Variants in DAAM1 observed in about 807,000 individuals in gnomAD.
DAAM1 encodes dishevelled associated activator of morphogenesis 1.
A neutral mutation model predicts 130.0 loss-of-function variants in DAAM1; 52 were observed. The ratio of observed to expected loss-of-function variants is 0.40; its 90% confidence interval spans 0.32 to 0.50. DAAM1 has a LOEUF of 0.50. Ranked by LOEUF, DAAM1 falls within the 20% of genes least tolerant of loss-of-function variation. The probability of loss-of-function intolerance (pLI) is 0.61; values close to 1 mark genes in which losing one functional copy is unlikely to be tolerated. For missense variants in DAAM1, 1,134 were observed against 1,303.8 expected, an observed-to-expected ratio of 0.87 and a Z score of 2.01; for synonymous variants, 452 against 444.5, an observed-to-expected ratio of 1.02 and a Z score of -0.21.
intron 1 of DAAM1, among the ~76,000 whole-genome samples, chr14:59,236,009 C>G (rs1328825054): frequency 6.6e-6 from 1 of 152,034 alleles, no homozygotes; most frequent in Non-Finnish European, 1.5e-5. Context: ...AATTCCCTTT[C>G]TTAAAAAAAA....
chr14:59,253,482 A>G (rs1249795538), intron 1 of DAAM1, among the ~76,000 whole-genome samples: 1 of 152,242 alleles, frequency 6.6e-6, no homozygotes, highest in African/African-American at 2.4e-5. Context: ...AGGAGAACAT[A>G]AAAAGAGGAA....
chr14:59,367,795 A>C (rs1486026841), intron 24 of DAAM1, among the ~76,000 whole-genome samples, 196 bp downstream of exon 24: 1 of 152,184 alleles, frequency 6.6e-6, no homozygotes, highest in African/African-American at 2.4e-5. Flanking sequence ...TTAAAAAAAA[A>C]ATCTATCCAC....
intron 1 of DAAM1, among the ~76,000 whole-genome samples, chr14:59,214,007 G>T (rs1359358064): frequency 6.6e-6 from 1 of 152,158 alleles, no homozygotes; most frequent in African/African-American, 2.4e-5. Flanking sequence ...AAGATATCAG[G>T]CAGATATCAC....
At chr14:59,260,280 C>T (rs1882109661) in intron 1 of DAAM1, among the ~76,000 whole-genome samples, 1 of 152,154 alleles carries the variant, frequency 6.6e-6, no homozygotes, top group Non-Finnish European at 1.5e-5. Flanking sequence ...TTTTAAATCT[C>T]ACTTTATTAA....
At chr14:59,327,402 C>CCTTTTT (rs1885248603) in intron 12 of DAAM1, among the ~76,000 whole-genome samples, 1 of 58,992 alleles carries the variant, frequency 1.7e-5, no homozygotes, top group Non-Finnish European at 2.9e-5. Flanking sequence ...CACTTGGTTT[C>CCTTTTT]TTTTTTTTTT....
intron 20 of DAAM1, 26 bp downstream of exon 20, chr14:59,355,359 G>T: frequency 6.2e-7 from 1 of 1,612,926 alleles, no homozygotes; most frequent in South Asian, 1.1e-5. Context: ...TCCAACACTT[G>T]GGGGAGCCAG....
chr14:59,344,470 T>C (rs1025548556), intron 16 of DAAM1, among the ~76,000 whole-genome samples: 2 of 152,166 alleles, frequency 1.3e-5, no homozygotes, highest in African/African-American at 4.8e-5. Context: ...TAAAAGCAAT[T>C]AATTACAGAG....
In DAAM1 at chr14:59,326,662, T is replaced by C; in HGVS notation, c.1313+14T>C. 6.2e-7 allele frequency: 1 copy of C among 1,609,682 alleles called. No individual in the cohort carries two copies. The highest frequency in any genetic ancestry group is 8.5e-7 in the Non-Finnish European group (1 of 1,178,498). On this transcript the variant is annotated intron_variant, in intron 11 of 24. Coordinates refer to ENST00000360909, the MANE Select transcript of DAAM1 (RefSeq NM_001270520.2). ...TGTCGTACGAATGTAAGTCTCTTCT[T>C]ATTCTGCTGCTGTGAGATAATGGTG...
intron 2 of DAAM1, among the ~76,000 whole-genome samples, chr14:59,289,343 A>G (rs1392847534): frequency 6.6e-6 from 1 of 152,174 alleles, no homozygotes. Flanking sequence ...CATGGGGATT[A>G]CAGTTTGACA....
intron 3 of DAAM1, among the ~76,000 whole-genome samples, chr14:59,308,510 T>C (rs1255221169): frequency 6.6e-6 from 1 of 152,114 alleles, no homozygotes; most frequent in Non-Finnish European, 1.5e-5. Flanking sequence ...CAGTGTCCGG[T>C]GAATTTTTTA....
At chr14:59,354,651 T>A (rs957287312) in intron 19 of DAAM1, among the ~76,000 whole-genome samples, 1 of 152,196 alleles carries the variant, frequency 6.6e-6, no homozygotes, top group Admixed American at 6.5e-5. Flanking sequence ...TTGTAAATGT[T>A]TGAAATGTGG....
chr14:59,371,361 A>T lies in DAAM1; in HGVS notation c.*2502A>T, dbSNP rs1452184695. 2.0e-5 allele frequency: 3 copies of T among 152,088 alleles called. No homozygotes were observed. The highest frequency in any genetic ancestry group is 4.4e-5 in the Non-Finnish European group (3 of 67,982). 9.4% of individuals were successfully genotyped at this position (152,088 alleles called of 1,614,324 possible). A position where few individuals can be genotyped will look rare whatever the true frequency, so the allele number is the denominator to read the frequency against. ...GTTATGAGACTGTACATGTTTTTTT[A>T]AAAATAGCAATATGCAATAAAGAGA... On this transcript the variant is annotated 3_prime_UTR_variant, in exon 25 of 25. Coordinates refer to ENST00000360909, the MANE Select transcript of DAAM1 (RefSeq NM_001270520.2).
intron 4 of DAAM1, among the ~76,000 whole-genome samples, chr14:59,316,167 T>C (rs1884784924): frequency 6.6e-6 from 1 of 152,160 alleles, no homozygotes; most frequent in South Asian, 2.1e-4. Flanking sequence ...ACACTCATGG[T>C]TTTAAGAGTC....
chr14:59,351,868 A>G (rs1886306972), intron 17 of DAAM1, among the ~76,000 whole-genome samples: 1 of 152,170 alleles, frequency 6.6e-6, no homozygotes, highest in Non-Finnish European at 1.5e-5. Context: ...GTACAGAAGC[A>G]CTGTTTCAGT....
chr14:59,281,362 G>A (rs1287552506), intron 2 of DAAM1, among the ~76,000 whole-genome samples: 1 of 152,160 alleles, frequency 6.6e-6, no homozygotes, highest in African/African-American at 2.4e-5. Context: ...CTGCTCCAAA[G>A]GTGAAGTGGC....
chr14:59,206,874 T>C (rs1002466005), intron 1 of DAAM1, among the ~76,000 whole-genome samples: 1 of 152,240 alleles, frequency 6.6e-6, no homozygotes, highest in Non-Finnish European at 1.5e-5. Flanking sequence ...GTAAAACTTA[T>C]TTATCATAGC....
chr14:59,266,464 G>A (rs544815605), intron 2 of DAAM1, among the ~76,000 whole-genome samples: 2 of 152,314 alleles, frequency 1.3e-5, no homozygotes, highest in East Asian at 3.9e-4. Context: ...TATTCATAAG[G>A]GAGAAAATTC....
intron 1 of DAAM1, among the ~76,000 whole-genome samples, chr14:59,202,588 G>A (rs975596986): frequency 2.0e-5 from 3 of 152,110 alleles, no homozygotes; most frequent in Non-Finnish European, 2.9e-5. Context: ...AGAAACCCCC[G>A]GTTTTTTCCT....
intron 3 of DAAM1, among the ~76,000 whole-genome samples, chr14:59,305,209 A>G (rs1048043203): frequency 3.3e-5 from 5 of 152,244 alleles, no homozygotes; most frequent in African/African-American, 1.2e-4. Flanking sequence ...TGACATGTGG[A>G]TCAAAGATTT....
Sources: gnomAD v4.1 joint callset for allele counts (sites outside exome capture counted in the v4.1 genomes callset) on GRCh38, gnomAD v4.1.1 for gene constraint, MANE v1.5 for transcripts, NCBI Gene and HGNC (gene_info 2026-07-23, HGNC 2026-07-21) for gene names.